PKIA: variants seen among roughly 807,000 people sequenced by gnomAD.
PKIA encodes PKI-alpha.
A neutral mutation model predicts 7.6 loss-of-function variants in PKIA; 4 were observed. That is an observed-to-expected ratio of 0.52 (90% CI 0.26 to 1.20). The LOEUF (loss-of-function observed/expected upper bound fraction) is 1.20. Ranked by LOEUF, PKIA falls within the 50% of genes most tolerant of loss-of-function variation. PKIA has a pLI of 0.13. For missense variants in PKIA, 73 were observed against 86.2 expected, an observed-to-expected ratio of 0.85 and a Z score of 0.61; for synonymous variants, 21 against 30.7, an observed-to-expected ratio of 0.68 and a Z score of 1.04.
chr8:78,584,955 A>G (rs1015574175), intron 2 of PKIA, among the ~76,000 whole-genome samples: 1 of 152,000 alleles, frequency 6.6e-6, no homozygotes, highest in Non-Finnish European at 1.5e-5. Flanking sequence ...ATAGAGTCAT[A>G]ATAATAATTT....
chr8:78,558,050 T>C (rs1807186572), intron 1 of PKIA, among the ~76,000 whole-genome samples: 1 of 152,210 alleles, frequency 6.6e-6, no homozygotes, highest in Non-Finnish European at 1.5e-5. Flanking sequence ...ACAGTTGTTT[T>C]AGTAAGGGGA....
chr8:78,590,269 C>A (rs1190044942), intron 2 of PKIA, among the ~76,000 whole-genome samples: 3 of 148,378 alleles, frequency 2.0e-5, no homozygotes, highest in African/African-American at 7.5e-5. Context: ...TCCAGATGAC[C>A]AATGTCTGAT....
At chr8:78,538,015 A>G (rs1167501460) in intron 1 of PKIA, among the ~76,000 whole-genome samples, 1 of 151,962 alleles carries the variant, frequency 6.6e-6, no homozygotes, top group Non-Finnish European at 1.5e-5. Flanking sequence ...TTTCATGATA[A>G]ACTTTTTCTT....
intron 1 of PKIA, among the ~76,000 whole-genome samples, chr8:78,564,776 G>A (rs1807365358): frequency 6.6e-6 from 1 of 151,844 alleles, no homozygotes; most frequent in Admixed American, 6.6e-5. Flanking sequence ...TATCCAATTA[G>A]TAGAAAATTA....
intron 1 of PKIA, among the ~76,000 whole-genome samples, chr8:78,542,544 C>A (rs1806719249): frequency 6.6e-6 from 1 of 152,144 alleles, no homozygotes; most frequent in Non-Finnish European, 1.5e-5. Flanking sequence ...ATCTGTTCTG[C>A]AAATTAATAT....
chr8:78,560,454 T>C (rs1010237819), intron 1 of PKIA, among the ~76,000 whole-genome samples: 3 of 152,240 alleles, frequency 2.0e-5, no homozygotes, highest in African/African-American at 7.2e-5. Context: ...CTGATTAAGA[T>C]GTACTGGTAG....
chr8:78,574,078 C>T (rs944938192), intron 2 of PKIA, among the ~76,000 whole-genome samples: 2 of 151,882 alleles, frequency 1.3e-5, no homozygotes, highest in Admixed American at 6.6e-5. Context: ...GGAGAAAATC[C>T]ATCAGATAAA....
At chr8:78,561,140 TA>T (rs1352811124) in intron 1 of PKIA, among the ~76,000 whole-genome samples, 1 of 152,200 alleles carries the variant, frequency 6.6e-6, no homozygotes, top group East Asian at 1.9e-4. Flanking sequence ...TCCTCTGAGA[TA>T]GGGGGCTTTA....
chr8:78,586,303 T>C (rs1489177786), intron 2 of PKIA, among the ~76,000 whole-genome samples: 1 of 152,208 alleles, frequency 6.6e-6, no homozygotes, highest in East Asian at 1.9e-4. Flanking sequence ...GAGATGCATT[T>C]CATGAGTTGT....
chr8:78,566,027 T>C (rs994756033), intron 1 of PKIA, among the ~76,000 whole-genome samples: 2 of 151,974 alleles, frequency 1.3e-5, no homozygotes, highest in Non-Finnish European at 2.9e-5. Context: ...GTAGAACAAA[T>C]TGATATGGTA....
At chr8:78,557,158 T>C (rs1181349976) in intron 1 of PKIA, among the ~76,000 whole-genome samples, 1 of 152,162 alleles carries the variant, frequency 6.6e-6, no homozygotes, top group Non-Finnish European at 1.5e-5. Context: ...AGAATGAATG[T>C]GACGCCAATT....
At chr8:78,548,700 A>G (rs535787773) in intron 1 of PKIA, among the ~76,000 whole-genome samples, 4 of 152,226 alleles carry the variant, frequency 2.6e-5, no homozygotes, top group East Asian at 1.9e-4. Context: ...ATAAAGGTCA[A>G]ATATATGCAA....
chr8:78,590,014 C>G (rs528713048), intron 2 of PKIA, among the ~76,000 whole-genome samples: 1 of 152,094 alleles, frequency 6.6e-6, no homozygotes, highest in Admixed American at 6.6e-5. Flanking sequence ...TGAAAATGAA[C>G]AAAGTGAGCT....
intron 2 of PKIA, among the ~76,000 whole-genome samples, chr8:78,584,326 G>C (rs1359118266): frequency 6.6e-6 from 1 of 152,104 alleles, no homozygotes; most frequent in Non-Finnish European, 1.5e-5. Flanking sequence ...ATTTATATAT[G>C]CAGTTGGGTT....
At chr8:78,586,732 G>A (rs1281589323) in intron 2 of PKIA, among the ~76,000 whole-genome samples, 2 of 152,068 alleles carry the variant, frequency 1.3e-5, no homozygotes, top group Non-Finnish European at 2.9e-5. Context: ...AAATATTGAT[G>A]GCAAACCATT....
intron 2 of PKIA, among the ~76,000 whole-genome samples, chr8:78,597,510 A>G (rs1195465653): frequency 2.6e-5 from 4 of 152,082 alleles, no homozygotes; most frequent in Admixed American, 6.6e-5. Flanking sequence ...ATTTTGGCCC[A>G]TTTCATTAAC....
intron 2 of PKIA, among the ~76,000 whole-genome samples, chr8:78,578,886 T>C (rs1807740644): frequency 6.6e-6 from 1 of 152,046 alleles, no homozygotes; most frequent in Non-Finnish European, 1.5e-5. Flanking sequence ...TTCACCACTC[T>C]CCCAGGCTTG....
chr8:78,546,122 G>C (rs931988879), intron 1 of PKIA, among the ~76,000 whole-genome samples: 1 of 152,052 alleles, frequency 6.6e-6, no homozygotes, highest in Non-Finnish European at 1.5e-5. Flanking sequence ...TGGCTTTGTC[G>C]AATACATCAA....
At chr8:78,523,657 C>A (rs1809458812) in intron 1 of PKIA, among the ~76,000 whole-genome samples, 1 of 151,644 alleles carries the variant, frequency 6.6e-6, no homozygotes, top group Non-Finnish European at 1.5e-5. Context: ...AGGAAAATAA[C>A]CTGAATGTTA....
Sources: gnomAD v4.1 joint callset for allele counts (sites outside exome capture counted in the v4.1 genomes callset) on GRCh38, gnomAD v4.1.1 for gene constraint, MANE v1.5 for transcripts, NCBI Gene and HGNC (gene_info 2026-07-23, HGNC 2026-07-21) for gene names.